FREM3: variants seen among roughly 807,000 people sequenced by gnomAD.
FREM3 encodes the protein FRAS1 related extracellular matrix 3, also known as FRAS1-related extracellular matrix protein 3.
Under a neutral mutation model 129.1 loss-of-function variants are expected in FREM3, and 105 were observed. The ratio of observed to expected loss-of-function variants is 0.81; its 90% CI spans 0.69 to 0.96. The LOEUF (loss-of-function observed/expected upper bound fraction) is 0.96. Among genes scored for constraint, FREM3 ranks in the 40% least tolerant of loss-of-function variants. The probability of loss-of-function intolerance (pLI) is 0.00; values close to 1 mark genes in which losing one functional copy is unlikely to be tolerated. For missense variants in FREM3, 2,593 were observed against 2,666.3 expected (o/e 0.97, Z 0.61); for synonymous variants, 1,014 against 1,044.9 (o/e 0.97, Z 0.57).
chr4:143,634,640 C>T (rs1451080219), intron 2 of FREM3, among the ~76,000 whole-genome samples: 1 of 152,072 alleles, frequency 6.6e-6, no homozygotes, highest in Non-Finnish European at 1.5e-5. Context: ...TGAGAGTCCC[C>T]TTCTGGCTGT....
intron 2 of FREM3, among the ~76,000 whole-genome samples, chr4:143,680,889 C>A (rs1740236693): frequency 6.6e-6 from 1 of 152,038 alleles, no homozygotes; most frequent in African/African-American, 2.4e-5. Flanking sequence ...TTTTAAATCT[C>A]TTATTAATTT....
intron 6 of FREM3, among the ~76,000 whole-genome samples, chr4:143,587,977 A>C (rs571599279): frequency 7.8e-4 from 119 of 152,296 alleles, no homozygotes; most frequent in Non-Finnish European, 1.3e-3. Flanking sequence ...ACCTTCCTGC[A>C]TCCTCTGCCT....
chr4:143,686,474 G>T (rs1303255762), intron 2 of FREM3, among the ~76,000 whole-genome samples: 3 of 152,098 alleles, frequency 2.0e-5, no homozygotes, highest in African/African-American at 7.2e-5. Context: ...GGAACAAATG[G>T]ACTTAACAGA....
chr4:143,677,627 A>T (rs4835563), intron 2 of FREM3, among the ~76,000 whole-genome samples: 11,069 of 152,144 alleles, frequency 0.073, 1,079 homozygotes, highest in African/African-American at 0.21. Context: ...TGGGAGAAAA[A>T]TTTTGCAATC....
Position 143,611,655 on chromosome 4 carries a change from T to C in FREM3, c.5780-128A>G. On this transcript the variant is annotated intron_variant, in intron 5 of 7. Coordinates refer to ENST00000329798, the MANE Select transcript of FREM3 (RefSeq NM_001168235.2). ...AATGATACAACACACTTACCTCTTATGCTCACAAATAGTAATACTGTAAGA... is the reference window on the plus strand; with the variant it reads ...AATGATACAACACACTTACCTCTTACGCTCACAAATAGTAATACTGTAAGA... 3 of 786,942 alleles carry C rather than the reference T, an allele frequency of 3.8e-6. No individual in the cohort carries two copies. The South Asian group carries it at 5.6e-5, about 15-fold the overall frequency. 48.7% of individuals were successfully genotyped at this position (786,942 alleles called of 1,614,324 possible). A position where few individuals can be genotyped will look rare whatever the true frequency, so the allele number is the denominator to read the frequency against.
chr4:143,691,747 T>A (rs6537170), intron 2 of FREM3, among the ~76,000 whole-genome samples: 46,598 of 152,148 alleles, frequency 0.31, 7,395 homozygotes, highest in Middle Eastern at 0.36. Context: ...AGCTACATAA[T>A]ATTCACCTTA....
At chr4:143,622,403 C>CTTT (rs35835336) in intron 4 of FREM3, among the ~76,000 whole-genome samples, 9 of 138,854 alleles carry the variant, frequency 6.5e-5, no homozygotes, top group Non-Finnish European at 1.1e-4. Context: ...TGGCAATCAT[C>CTTT]TTTTTTTTTT....
intron 2 of FREM3, among the ~76,000 whole-genome samples, chr4:143,655,195 A>G (rs534239066): frequency 1.3e-5 from 2 of 152,290 alleles, no homozygotes; most frequent in East Asian, 3.9e-4. Context: ...TTTTTTCCCT[A>G]GCAAATAAAT....
At chr4:143,604,490 C>G (rs1738632536) in intron 6 of FREM3, among the ~76,000 whole-genome samples, 1 of 152,112 alleles carries the variant, frequency 6.6e-6, no homozygotes, top group Non-Finnish European at 1.5e-5. Context: ...GCCTCAGCTT[C>G]TTCCTTTTAG....
chr4:143,642,787 G>T (rs1739343767), intron 2 of FREM3, among the ~76,000 whole-genome samples: 1 of 152,090 alleles, frequency 6.6e-6, no homozygotes, highest in South Asian at 2.1e-4. Context: ...TAGACAAATG[G>T]AATGACATCA....
At chr4:143,646,007 C>T (rs1258543457) in intron 2 of FREM3, among the ~76,000 whole-genome samples, 1 of 152,158 alleles carries the variant, frequency 6.6e-6, no homozygotes, top group African/African-American at 2.4e-5. Flanking sequence ...AACAAGAACC[C>T]TTTGTAGGGG....
In FREM3 at chr4:143,620,959, CTG is replaced by C. The variant is rs1389177930; in HGVS notation, c.5779+76_5779+77del. On this transcript the variant is annotated intron_variant, in intron 5 of 7. Transcript: ENST00000329798. Reference sequence around the variant, plus strand: ...ATCTTAACTCTGCTTTGCTCACCCTCTGTGGTACTCCCAGCATTACCACAGTC... The same window carrying C: ...ATCTTAACTCTGCTTTGCTCACCCTCTGGTACTCCCAGCATTACCACAGTC... The C allele has an allele frequency of 2.1e-6, 3 of 1,405,704 alleles. No individual in the cohort carries two copies. The African/African-American group carries it at 4.3e-5, about 20-fold the overall frequency. The allele number at this position is 1,405,704 out of a possible 1,614,324, so 87.1% of individuals were successfully genotyped here.
chr4:143,697,775 A>G lies in FREM3; in HGVS notation c.2901T>C (p.Ile967=), dbSNP rs944787072. 20 of 1,537,462 alleles carry G rather than the reference A, an allele frequency of 1.3e-5. No individual in the cohort carries two copies. The East Asian group carries it at 4.9e-4, about 38-fold the overall frequency. The change falls in exon 1 of 8, where the codon ATT becomes ATC. Residue 967 remains isoleucine (I), a synonymous_variant. Coordinates refer to ENST00000329798, the MANE Select transcript of FREM3 (RefSeq NM_001168235.2). ...IDVLENKATE[I]TMGVIHGKRK... The stretch of plus-strand genomic sequence containing the variant: ...TTTTGCCATGGATGACACCCATGGT[A>G]ATTTCAGTGGCTTTATTCTCTAGTA...
Position 143,594,120 on chromosome 4 carries a change from G to A in FREM3, c.6029-8127C>T, listed in dbSNP as rs528232249. ...GGAGTGACACGAGTTTCCAGGTGCC[G>A]TCTGTCACCCCTTTCTTTGACTAGG... is the stretch of plus-strand genomic sequence containing the variant. On this transcript the variant is annotated intron_variant, in intron 6 of 7. Transcript: ENST00000329798. Among the ~76,000 whole-genome samples, 7 of 152,272 alleles carry A rather than the reference G, an allele frequency of 4.6e-5. No individual in the cohort carries two copies. In the East Asian group the frequency reaches 7.8e-4, roughly 17 times the overall value.
chr4:143,687,213 C>T (rs112845082), intron 2 of FREM3, among the ~76,000 whole-genome samples: 12,155 of 151,970 alleles, frequency 0.08, 1,293 homozygotes, highest in African/African-American at 0.23. Flanking sequence ...AAGGCTGCTA[C>T]GAACACCTTT....
chr4:143,595,449 C>A (rs769996081), intron 6 of FREM3, among the ~76,000 whole-genome samples: 4 of 152,028 alleles, frequency 2.6e-5, no homozygotes, highest in Non-Finnish European at 5.9e-5. Flanking sequence ...TTGAGCATCC[C>A]CTATGTGCTG....
intron 7 of FREM3, 107 bp from the exon 8 acceptor site, chr4:143,577,959 C>A: frequency 8.5e-7 from 1 of 1,182,594 alleles, no homozygotes; most frequent in Non-Finnish European, 1.2e-6. Flanking sequence ...ACCTTTGTAC[C>A]CAACACTCTC....
chr4:143,700,449 G>A lies in FREM3; in HGVS notation c.227C>T (p.Ser76Phe), dbSNP rs1451453872. Residue 76 changes from serine to phenylalanine, a missense_variant, in exon 1 of 8, where the codon TCC becomes TTC. Coordinates refer to ENST00000329798, the MANE Select transcript of FREM3 (RefSeq NM_001168235.2). ...ATCCCGGAGCGGGTCGAGCCAAAGG[G>A]AACGACCCAGGGGCACCCGGAGTCC... The part of the protein sequence containing the change: ...NPGLRVPLGR[S>F]LWLDPLRDLV... 1 of 1,524,100 alleles carries A rather than the reference G, an allele frequency of 6.6e-7. No homozygotes were observed. The highest frequency in any genetic ancestry group is 1.2e-5 in the South Asian group (1 of 82,296). 94.4% of individuals were successfully genotyped at this position (1,524,100 alleles called of 1,614,324 possible).
chr4:143,687,348 G>GTAA (rs140241437), intron 2 of FREM3, among the ~76,000 whole-genome samples: 11,022 of 151,962 alleles, frequency 0.073, 1,058 homozygotes, highest in African/African-American at 0.21. Flanking sequence ...GATTGAAATG[G>GTAA]TTAAAAAATT....
Sources: gnomAD v4.1 joint callset for allele counts (sites outside exome capture counted in the v4.1 genomes callset) on GRCh38, gnomAD v4.1.1 for gene constraint, MANE v1.5 for transcripts, NCBI Gene and HGNC (gene_info 2026-07-23, HGNC 2026-07-21) for gene names.